RUBCN: variants seen among roughly 807,000 people sequenced by gnomAD.
The protein encoded by RUBCN is rubicon autophagy regulator, also known as run domain Beclin-1-interacting and cysteine-rich domain-containing protein.
Under a neutral mutation model 113.2 loss-of-function variants are expected in RUBCN, and 74 were observed. The observed-to-expected ratio is 0.65, with a 90% CI of 0.54 to 0.79. The LOEUF (loss-of-function observed/expected upper bound fraction) is 0.79. Ranked by LOEUF, RUBCN falls within the 30% of genes least tolerant of loss-of-function variation. The pLI is 0.00. For missense variants in RUBCN, 1,109 were observed against 1,251.7 expected, an observed-to-expected ratio of 0.89 and a Z score of 1.72; for synonymous variants, 480 against 490.0, an observed-to-expected ratio of 0.98 and a Z score of 0.27.
intron 16 of RUBCN, among the ~76,000 whole-genome samples, chr3:197,679,697 T>C (rs368180675): frequency 3.3e-3 from 310 of 94,284 alleles, no homozygotes; most frequent in Admixed American, 5.9e-3. Context: ...GACTGTCCTA[T>C]GCTCTAACTG....
chr3:197,716,774 G>C (rs1020518722), intron 2 of RUBCN, among the ~76,000 whole-genome samples: 6 of 152,136 alleles, frequency 3.9e-5, no homozygotes, highest in African/African-American at 1.4e-4. Flanking sequence ...AGGTAGGAAT[G>C]GTCATAAGGA....
At chr3:197,703,747 G>T in intron 4 of RUBCN, 93 bp from the exon 5 acceptor site, 1 of 780,258 alleles carries the variant, frequency 1.3e-6, no homozygotes. Flanking sequence ...AAGGATGAAT[G>T]AGGAGGAGGG....
intron 1 of RUBCN, among the ~76,000 whole-genome samples, chr3:197,732,856 TG>T (rs1387498484): frequency 1.3e-5 from 2 of 152,184 alleles, no homozygotes; most frequent in Admixed American, 6.5e-5. Flanking sequence ...GTGATACCCT[TG>T]CAAACAGTCA....
Position 197,749,410 on chromosome 3 carries a change from A to AGCGTTTGCTTT in RUBCN, c.-268_-258dup, listed in dbSNP as rs772472257. On this transcript the variant is annotated 5_prime_UTR_variant, in exon 1 of 21. Transcript: ENST00000273582. Reference sequence around the variant, plus strand: ...AAGGTGACGCAGGAACCGTCACTGCAGCGTTTGCTTTGCGTTCAGATGCGG... The same window carrying AGCGTTTGCTTT: ...AAGGTGACGCAGGAACCGTCACTGCAGCGTTTGCTTTGCGTTTGCTTTGCGTTCAGATGCGG... 9.8e-4 allele frequency: 1,186 copies of AGCGTTTGCTTT among 1,214,516 alleles called. 1 individual carries two copies. Among genetic ancestry groups the AGCGTTTGCTTT allele is most frequent in the Non-Finnish European group, 1.2e-3 (1,105 of 948,068 alleles). 75.2% of individuals were successfully genotyped at this position (1,214,516 alleles called of 1,614,324 possible).
At position 197,705,184 on chromosome 3, in the gene RUBCN, G is replaced by A; in HGVS notation, c.220-9C>T. ...GTCTGGCGGCGGCACGCCTGCAAAG[G>A]GAACACATACAATGAGCAAATCACG... On this transcript the variant is annotated splice_polypyrimidine_tract_variant and intron_variant, in intron 2 of 19. Transcript: ENST00000296343. 6.2e-7 allele frequency: 1 copy of A among 1,612,936 alleles called. No homozygotes were observed. The highest frequency in any genetic ancestry group is 8.5e-7 in the Non-Finnish European group (1 of 1,178,966).
At chr3:197,747,705 G>C (rs1728809413) in intron 1 of RUBCN, among the ~76,000 whole-genome samples, 1 of 152,174 alleles carries the variant, frequency 6.6e-6, no homozygotes, top group Non-Finnish European at 1.5e-5. Context: ...AGAGATGGTA[G>C]AAGTTATTTC....
chr3:197,705,070 G>A (rs2108917963), intron 3 of RUBCN, 22 bp downstream of exon 3: 1 of 1,594,162 alleles, frequency 6.3e-7, no homozygotes. Context: ...TGCCAGCACA[G>A]CCGCTCTGCT....
chr3:197,682,696 A>G (rs1721385629), intron 13 of RUBCN, 81 bp from the exon 14 acceptor site: 1 of 1,588,520 alleles, frequency 6.3e-7, no homozygotes, highest in Admixed American at 1.7e-5. Context: ...TGAGTCAGGG[A>G]TGGGCAGGAG....
chr3:197,677,591 G>T, intron 16 of RUBCN, 50 bp from the exon 17 acceptor site: 1 of 1,567,886 alleles, frequency 6.4e-7, no homozygotes, highest in Non-Finnish European at 8.8e-7. Flanking sequence ...GTGAGAAGAG[G>T]AATCCAGTGT....
At chr3:197,711,230 G>A (rs983921088) in intron 2 of RUBCN, among the ~76,000 whole-genome samples, 4 of 152,194 alleles carry the variant, frequency 2.6e-5, no homozygotes, top group African/African-American at 7.2e-5. Context: ...TTTATCCTAC[G>A]GTAAAGGGCA....
chr3:197,681,182 G>C lies in RUBCN; in HGVS notation c.2377C>G (p.Gln793Glu). The change falls in exon 16 of 20, where the codon CAG (glutamine) becomes GAG (glutamate). Residue 793 changes from glutamine to glutamate, a missense_variant. By Grantham distance (29) the Gln-to-Glu change is conservative. Coordinates refer to ENST00000296343, the MANE Select transcript of RUBCN (RefSeq NM_014687.4). The surrounding 1 kb of genome is among the most constrained non-coding windows in gnomAD (Gnocchi z 5.5). ...CTATAGAGGGCACTGTTTATGTCCT[G>C]CACGTTGAAGAGAGGATCATTCCAG... ...KIWNDPLFNV[Q>E]DINSALYRKV... 1 of 1,614,118 alleles carries C rather than the reference G, an allele frequency of 6.2e-7. No homozygotes were observed. Among genetic ancestry groups the C allele is most frequent in the Non-Finnish European group, 8.5e-7 (1 of 1,179,980 alleles).
At chr3:197,676,828 C>T (rs563740771) in intron 18 of RUBCN, 57 bp downstream of exon 18, 16 of 1,612,754 alleles carry the variant, frequency 9.9e-6, no homozygotes, top group East Asian at 2.2e-5. Flanking sequence ...GTCCACCCCC[C>T]TCCCTGTATC....
chr3:197,741,309 T>C (rs960803940), upstream of RUBCN, among the ~76,000 whole-genome samples: 2 of 152,228 alleles, frequency 1.3e-5, no homozygotes, highest in Non-Finnish European at 2.9e-5. Flanking sequence ...AAAAGTCTTT[T>C]AAGCCAATTT....
rs1270339023 is a variant in RUBCN at position 197,681,735 on chromosome 3, G to A, written c.2191+100C>T. On this transcript the variant is annotated intron_variant, in intron 15 of 19. Coordinates refer to ENST00000296343, the MANE Select transcript of RUBCN (RefSeq NM_014687.4). The surrounding 1 kb of genome is among the most constrained non-coding windows in gnomAD (Gnocchi z 5.5). ...CTTTCTCCTTCCCTACTTCTGCCAC[G>A]CCACCTCCTGCTACCGCCTTTGACA... 16 of 1,053,958 alleles carry A rather than the reference G, an allele frequency of 1.5e-5. No individual in the cohort carries two copies. The highest frequency in any genetic ancestry group is 2.4e-5 in the East Asian group (1 of 42,150). The allele number at this position is 1,053,958 out of a possible 1,614,324, so 65.3% of individuals were successfully genotyped here. A position where few individuals can be genotyped will look rare whatever the true frequency, so the allele number is the denominator to read the frequency against.
rs780342265 is a variant in RUBCN, at chr3:197,669,396, CA to C, written c.*5621del. ...TCTTTCCTTGTTTTCGAGACCTTGG[CA>C]ATTTTGAGTAGGGTCAAGTGTTTTG... is the stretch of plus-strand genomic sequence containing the variant. On this transcript the variant is annotated 3_prime_UTR_variant, in exon 20 of 20. Transcript: ENST00000296343. 1.3e-5 allele frequency among the ~76,000 whole-genome samples: 2 copies of C among 152,202 alleles called. No homozygotes were observed. The highest frequency in any genetic ancestry group is 2.1e-4 in the South Asian group (1 of 4,830).
chr3:197,745,431 C>A (rs530634721), intron 1 of RUBCN, among the ~76,000 whole-genome samples: 1 of 151,304 alleles, frequency 6.6e-6, no homozygotes, highest in Admixed American at 6.6e-5. Flanking sequence ...GCCTGACCAA[C>A]ATGGTGAAAC....
At chr3:197,676,539 C>T in intron 18 of RUBCN, 1 of 1,009,668 alleles carries the variant, frequency 9.9e-7, no homozygotes, top group Non-Finnish European at 1.3e-6. Context: ...TCTTGAACTC[C>T]TGACCTCAGG....
intron 1 of RUBCN, among the ~76,000 whole-genome samples, chr3:197,736,313 G>A (rs570770370): frequency 2.6e-5 from 4 of 152,114 alleles, no homozygotes; most frequent in Non-Finnish European, 5.9e-5. Flanking sequence ...CCTGTCTATA[G>A]ACTCTGGCCT....
chr3:197,678,937 C>T (rs1419649144), intron 16 of RUBCN, among the ~76,000 whole-genome samples: 3 of 150,658 alleles, frequency 2.0e-5, no homozygotes, highest in Non-Finnish European at 4.4e-5. Flanking sequence ...TACGCTCTGA[C>T]AACTGGCTCC....
Sources: gnomAD v4.1 joint callset for allele counts (sites outside exome capture counted in the v4.1 genomes callset) on GRCh38, gnomAD v4.1.1 for gene constraint, Gnocchi (gnomAD v3.1) non-coding constraint, MANE v1.5 for transcripts, NCBI Gene and HGNC (gene_info 2026-07-23, HGNC 2026-07-21) for gene names.